The following PPP1R9A variants were observed in gnomAD, a reference collection of about 807,000 sequenced individuals.
The protein encoded by PPP1R9A is protein phosphatase 1 regulatory subunit 9A.
A neutral mutation model predicts 141.9 loss-of-function variants in PPP1R9A; 59 were observed. The observed-to-expected ratio is 0.42, with a 90% CI of 0.34 to 0.52. The LOEUF is 0.52. Ranked by LOEUF, PPP1R9A falls within the 20% of genes least tolerant of loss-of-function variation. PPP1R9A has a pLI of 0.10. For synonymous variants in PPP1R9A, 500 were observed against 569.7 expected (o/e 0.88, Z 1.74); for missense variants, 1,444 against 1,611.9 (o/e 0.90, Z 1.78).
At position 95,027,413 on chromosome 7, in the gene PPP1R9A, C is replaced by A. The variant is rs115723282; in HGVS notation, c.1396-83846C>A. Among the ~76,000 whole-genome samples, 508 of 152,244 alleles carry A rather than the reference C, an allele frequency of 3.3e-3. 5 individuals carry two copies. Among genetic ancestry groups the A allele is most frequent in the African/African-American group, 0.012 (483 of 41,544 alleles). On this transcript the variant is annotated intron_variant, in intron 2 of 19. Transcript: ENST00000433360. Reference sequence around the variant, plus strand: ...TTCGGCTCGCCCCAAGTGGGCTGCACCCACTGTCTAACCAGTCCCCATGAG... The same window carrying A: ...TTCGGCTCGCCCCAAGTGGGCTGCAACCACTGTCTAACCAGTCCCCATGAG...
At position 95,199,446 on chromosome 7, in the gene PPP1R9A, C is replaced by A. The variant is rs574573980; in HGVS notation, c.1890+962C>A. 2.6e-5 allele frequency among the ~76,000 whole-genome samples: 4 copies of A among 152,212 alleles called. No homozygotes were observed. The South Asian group carries it at 8.3e-4, about 32-fold the overall frequency. ...AATTTTTCAGAATTTTGCTTTCTAG[C>A]CAGGATATAGATATTAATAAACAGA... is the stretch of plus-strand genomic sequence containing the variant. On this transcript the variant is annotated intron_variant, in intron 6 of 19. Transcript: ENST00000433360.
chr7:94,991,947 C>T (rs995306644), intron 2 of PPP1R9A, among the ~76,000 whole-genome samples: 3 of 152,194 alleles, frequency 2.0e-5, no homozygotes, highest in Non-Finnish European at 4.4e-5. Context: ...CCAGTGCACC[C>T]GGCCTGTTGT....
At chr7:95,188,339 T>G (rs1258128867) in intron 5 of PPP1R9A, among the ~76,000 whole-genome samples, 1 of 152,166 alleles carries the variant, frequency 6.6e-6, no homozygotes, top group Non-Finnish European at 1.5e-5. Context: ...ATGAAATATC[T>G]TTTTCCACCC....
intron 2 of PPP1R9A, among the ~76,000 whole-genome samples, chr7:95,108,310 T>TTC (rs1242984833): frequency 8.9e-5 from 10 of 112,272 alleles, no homozygotes; most frequent in Non-Finnish European, 1.8e-4. Context: ...TTCTTTTCTT[T>TTC]TTTTTTTTTT....
intron 7 of PPP1R9A, among the ~76,000 whole-genome samples, chr7:95,208,565 A>C (rs1444884381): frequency 2.0e-5 from 3 of 151,944 alleles, no homozygotes; most frequent in African/African-American, 4.8e-5. Flanking sequence ...TTTACTAAAA[A>C]TGCAAAAAAT....
At chr7:95,193,732 A>G (rs1835844744) in intron 5 of PPP1R9A, among the ~76,000 whole-genome samples, 1 of 152,058 alleles carries the variant, frequency 6.6e-6, no homozygotes, top group Non-Finnish European at 1.5e-5. Context: ...TTCTGCTTTA[A>G]AATCTCTCAC....
At chr7:94,993,792 T>G (rs34467464) in intron 2 of PPP1R9A, among the ~76,000 whole-genome samples, 7,758 of 152,250 alleles carry the variant, frequency 0.051, 256 homozygotes, top group South Asian at 0.1. Context: ...TTTTGTCAGA[T>G]TTTTTACCCA....
At chr7:95,081,468 C>T (rs1172345769) in intron 2 of PPP1R9A, among the ~76,000 whole-genome samples, 2 of 151,978 alleles carry the variant, frequency 1.3e-5, no homozygotes, top group African/African-American at 4.8e-5. Flanking sequence ...GAGATAAGCA[C>T]TATAATGAAA....
At chr7:95,132,698 C>T (rs117528210) in intron 4 of PPP1R9A, among the ~76,000 whole-genome samples, 14 of 152,176 alleles carry the variant, frequency 9.2e-5, no homozygotes, top group East Asian at 1.9e-4. Flanking sequence ...CTCACCCGCC[C>T]GCTGCAGGCT....
At chr7:95,076,109 C>G (rs190383349) in intron 2 of PPP1R9A, among the ~76,000 whole-genome samples, 1 of 152,082 alleles carries the variant, frequency 6.6e-6, no homozygotes, top group Admixed American at 6.5e-5. Context: ...CACTCTGTTG[C>G]CCAGTCTAGT....
chr7:94,930,591 C>T (rs187817358), intron 2 of PPP1R9A, among the ~76,000 whole-genome samples: 4 of 152,206 alleles, frequency 2.6e-5, no homozygotes, highest in Non-Finnish European at 5.9e-5. Flanking sequence ...TTGCCCGCCT[C>T]GGCCTCCTAA....
intron 2 of PPP1R9A, among the ~76,000 whole-genome samples, chr7:94,976,336 G>A (rs1039300881): frequency 2.1e-5 from 3 of 140,036 alleles, no homozygotes; most frequent in Non-Finnish European, 3.0e-5. Flanking sequence ...TATTTAACAT[G>A]TTTTATTCTT....
intron 2 of PPP1R9A, among the ~76,000 whole-genome samples, chr7:95,087,796 G>C (rs557763516): frequency 1.6e-4 from 25 of 151,788 alleles, no homozygotes; most frequent in African/African-American, 6.1e-4. Context: ...TCAGGAGGCA[G>C]AAGCAGGAAA....
chr7:95,090,595 G>A (rs972872093), intron 2 of PPP1R9A, among the ~76,000 whole-genome samples: 1 of 151,910 alleles, frequency 6.6e-6, no homozygotes, highest in East Asian at 1.9e-4. Context: ...ATCACCTGAG[G>A]TCTGGAGTTT....
chr7:95,157,604 G>A (rs1384555984), intron 4 of PPP1R9A, among the ~76,000 whole-genome samples: 1 of 152,168 alleles, frequency 6.6e-6, no homozygotes, highest in Admixed American at 6.5e-5. Flanking sequence ...TGATGGCAGC[G>A]GCAGGCCGTC....
chr7:95,235,757 A>G (rs918170464), intron 8 of PPP1R9A, among the ~76,000 whole-genome samples: 2 of 152,206 alleles, frequency 1.3e-5, no homozygotes, highest in Admixed American at 1.3e-4. Flanking sequence ...ATGCCCATCA[A>G]TCAATAAGTG....
chr7:94,916,951 A>ATAG (rs1425333699), intron 2 of PPP1R9A, among the ~76,000 whole-genome samples: 5 of 152,076 alleles, frequency 3.3e-5, no homozygotes, highest in Non-Finnish European at 7.4e-5. Flanking sequence ...AGTAGCTGGG[A>ATAG]CAACAGGCAT....
intron 5 of PPP1R9A, 21 bp from the exon 6 acceptor site, chr7:95,198,327 GT>G: frequency 6.3e-7 from 1 of 1,581,248 alleles, no homozygotes; most frequent in South Asian, 1.2e-5. Context: ...TTAAATATTA[GT>G]CTTTGTTAAC....
chr7:95,054,061 A>G (rs140243440), intron 2 of PPP1R9A, among the ~76,000 whole-genome samples: 1 of 151,832 alleles, frequency 6.6e-6, no homozygotes, highest in African/African-American at 2.4e-5. Flanking sequence ...GAATAGATAC[A>G]TTGATAATAT....
Sources: gnomAD v4.1 joint callset for allele counts (sites outside exome capture counted in the v4.1 genomes callset) on GRCh38, gnomAD v4.1.1 for gene constraint, MANE v1.5 for transcripts, NCBI Gene and HGNC (gene_info 2026-07-23, HGNC 2026-07-21) for gene names.